The following CYBB variants were observed in gnomAD, a reference collection of about 807,000 sequenced individuals.
CYBB encodes cytochrome b-245 beta chain, also known as NADPH oxidase 2.
A neutral mutation model predicts 46.5 loss-of-function variants in CYBB; 5 were observed. The observed-to-expected ratio is 0.11, with a 90% CI of 0.06 to 0.23. The LOEUF (loss-of-function observed/expected upper bound fraction) is 0.23, where lower values mean the gene tolerates loss of function less well. Ranked by LOEUF, CYBB falls within the 10% of genes least tolerant of loss-of-function variation. CYBB has a pLI of 1.00. For missense variants in CYBB, 307 were observed against 428.3 expected (o/e 0.72, Z 2.50); for synonymous variants, 183 against 156.7 (o/e 1.17, Z -1.26).
chrX:37,802,990 T>C (rs1929477890), intron 8 of CYBB, among the ~76,000 whole-genome samples: 1 of 112,261 alleles, frequency 8.9e-6, no homozygotes, highest in Non-Finnish European at 1.9e-5. Context: ...GACATTTGGA[T>C]TGTTTCCTGT....
intron 1 of CYBB, among the ~76,000 whole-genome samples, chrX:37,780,385 A>T: frequency 8.9e-6 from 1 of 111,744 alleles, no homozygotes; most frequent in Non-Finnish European, 1.9e-5. Context: ...AGGAGTAGAA[A>T]ATATTTCATG....
At chrX:37,791,419 T>C (rs1556466929) in intron 3 of CYBB, among the ~76,000 whole-genome samples, 2 of 112,020 alleles carry the variant, frequency 1.8e-5, no homozygotes, top group Non-Finnish European at 3.8e-5. Flanking sequence ...TTAGCTATTG[T>C]TATTTTGGCT....
At chrX:37,798,024 T>C (rs892427820) in intron 6 of CYBB, among the ~76,000 whole-genome samples, 2 of 112,078 alleles carry the variant, frequency 1.8e-5, no homozygotes, top group South Asian at 7.3e-4. Context: ...CAATACATGA[T>C]AATTCTCTTC....
chrX:37,786,505 C>T (rs1363783783), intron 3 of CYBB, among the ~76,000 whole-genome samples: 3 of 111,090 alleles, frequency 2.7e-5, no homozygotes, highest in Non-Finnish European at 5.7e-5. Flanking sequence ...GCAAAATAAC[C>T]ACGAACTTGC....
chrX:37,790,480 C>T (rs1326287724), intron 3 of CYBB, among the ~76,000 whole-genome samples: 1 of 112,008 alleles, frequency 8.9e-6, no homozygotes, highest in Non-Finnish European at 1.9e-5. Context: ...TAAGATTTAC[C>T]TTGTTGCATT....
chrX:37,783,556 C>A lies in CYBB; in HGVS notation c.208C>A (p.Pro70Thr). The A allele has an allele frequency of 8.3e-7, 1 of 1,209,290 alleles. No homozygotes were observed. The highest frequency in any genetic ancestry group is 1.1e-6 in the Non-Finnish European group (1 of 893,124). The change falls in exon 3 of 13, where the codon CCA (proline) becomes ACA (threonine). Residue 70 changes from proline to threonine, a missense_variant. Pro to Thr is a conservative substitution (Grantham distance 38). Around this residue, in one of 3 missense-constraint regions of CYBB, gnomAD observed 103 missense variants for 150.2 expected, o/e 0.69. Transcript: ENST00000378588. ...LNFNCMLILLPVCRNLLSFLR... is the reference protein window; with the variant it reads ...LNFNCMLILLTVCRNLLSFLR... Reference sequence around the variant, plus strand: ...TTTCAACTGCATGCTGATTCTCTTGCCAGTCTGTCGAAATCTGCTGTCCTT... The same window carrying A: ...TTTCAACTGCATGCTGATTCTCTTGACAGTCTGTCGAAATCTGCTGTCCTT...
chrX:37,807,363 G>A (rs782005879), intron 11 of CYBB, among the ~76,000 whole-genome samples: 118 of 108,985 alleles, frequency 1.1e-3, no homozygotes, highest in Non-Finnish European at 1.9e-3. Flanking sequence ...ATATTTATAT[G>A]TACTATGTAT....
rs1602173402 is a variant in CYBB at position 37,780,075 on chromosome X, A to G, written c.-3A>G. 8.3e-7 allele frequency: 1 copy of G among 1,209,639 alleles called. No homozygotes were observed. Among genetic ancestry groups the G allele is most frequent in the African/African-American group, 1.7e-5 (1 of 57,782 alleles). ...AAACACAACACATTCAACCTCTGCC[A>G]CCATGGGGAACTGGGCTGTGAATGA... On this transcript the variant is annotated 5_prime_UTR_variant, in exon 1 of 13. Coordinates refer to ENST00000378588, the MANE Select transcript of CYBB (RefSeq NM_000397.4).
At chrX:37,792,410 T>C (rs4827298) in intron 4 of CYBB, among the ~76,000 whole-genome samples, 45,943 of 109,873 alleles carry the variant, frequency 0.42, 10,079 homozygotes, top group African/African-American at 0.86. Flanking sequence ...CTTGGTTGCA[T>C]GTGTGAATTT....
chrX:37,809,469 G>T (rs1404983789), intron 11 of CYBB, 98 bp from the exon 12 acceptor site: 3 of 972,450 alleles, frequency 3.1e-6, no homozygotes, highest in Admixed American at 2.6e-5. Context: ...CATCCAGCAG[G>T]GTGCCTTGGT....
chrX:37,802,999 G>C (rs1230172307), intron 8 of CYBB, among the ~76,000 whole-genome samples: 5 of 111,909 alleles, frequency 4.5e-5, no homozygotes, highest in Admixed American at 1.9e-4. Context: ...ATTGTTTCCT[G>C]TTTTTTGCTA....
In CYBB at chrX:37,795,934, G is replaced by A. The variant is rs782411514; in HGVS notation, c.484-17G>A. 2 of 1,007,691 alleles carry A rather than the reference G, an allele frequency of 2.0e-6. No individual in the cohort carries two copies. The highest frequency in any genetic ancestry group is 1.4e-6 in the Non-Finnish European group (1 of 725,767). 83.0% of individuals were successfully genotyped at this position (1,007,691 alleles called of 1,213,427 possible). A position where few individuals can be genotyped will look rare whatever the true frequency, so the allele number is the denominator to read the frequency against. On this transcript the variant is annotated splice_polypyrimidine_tract_variant and intron_variant, in intron 5 of 12. Coordinates refer to ENST00000378588, the MANE Select transcript of CYBB (RefSeq NM_000397.4). The stretch of plus-strand genomic sequence containing the variant: ...TGTGTGTGTGTGTGTGTGTGTGTGT[G>A]TGTTTATATTTTACAGAACCCTGAA...
chrX:37,799,176 T>C, intron 7 of CYBB, 92 bp downstream of exon 7: 6 of 844,490 alleles, frequency 7.1e-6, no homozygotes, highest in Non-Finnish European at 1.1e-5. Flanking sequence ...TACATCTATA[T>C]AGATGTCCAT....
At chrX:37,810,708 A>G (rs1929654285) in intron 12 of CYBB, 83 bp from the exon 13 acceptor site, 1 of 1,074,477 alleles carries the variant, frequency 9.3e-7, no homozygotes, top group Admixed American at 2.2e-5. Context: ...CTGGGGCCTC[A>G]AATTAACGGG....
intron 8 of CYBB, 124 bp downstream of exon 8, chrX:37,801,472 T>C: frequency 1.8e-6 from 1 of 551,121 alleles, no homozygotes; most frequent in South Asian, 2.4e-5. Context: ...TTTATTTCAA[T>C]TTACTTAGCT....
intron 8 of CYBB, 39 bp from the exon 9 acceptor site, chrX:37,803,838 G>A (rs1556470725): frequency 1.7e-6 from 2 of 1,204,723 alleles, no homozygotes; most frequent in Non-Finnish European, 2.2e-6. Context: ...CAAGTATTTA[G>A]GAAAAATGTC....
intron 3 of CYBB, among the ~76,000 whole-genome samples, chrX:37,789,325 G>A (rs1333056669): frequency 9.0e-6 from 1 of 110,573 alleles, no homozygotes; most frequent in African/African-American, 3.3e-5. Flanking sequence ...ATCACAGAGT[G>A]ATGTCTCATC....
chrX:37,799,494 T>A (rs147083599), intron 7 of CYBB, among the ~76,000 whole-genome samples: 1 of 111,441 alleles, frequency 9.0e-6, no homozygotes. Context: ...CATAATACTT[T>A]CTATACAGCT....
chrX:37,796,196 G>A (rs1226636781), intron 6 of CYBB, 55 bp downstream of exon 6: 2 of 1,048,060 alleles, frequency 1.9e-6, no homozygotes, highest in African/African-American at 3.7e-5. Flanking sequence ...TTCTAGGCAG[G>A]ATGCTCCATT....
Sources: gnomAD v4.1 joint callset for allele counts (sites outside exome capture counted in the v4.1 genomes callset) on GRCh38, gnomAD v4.1.1 for gene constraint, gnomAD v4.1.1 regional missense constraint, MANE v1.5 for transcripts, NCBI Gene and HGNC (gene_info 2026-07-23, HGNC 2026-07-21) for gene names.